NRP2: variants seen among roughly 807,000 people sequenced by gnomAD.
NRP2 encodes neuropilin 2.
NRP2 carries 52 observed loss-of-function variants against 110.4 expected under a neutral mutation model. That is an observed-to-expected ratio of 0.47 (90% CI 0.38 to 0.59). The LOEUF (loss-of-function observed/expected upper bound fraction) is 0.59, where lower values mean the gene tolerates loss of function less well. NRP2 is among the 20% of genes least tolerant of loss of function. NRP2 has a pLI of 0.00. For synonymous variants in NRP2, 508 were observed against 468.9 expected, an observed-to-expected ratio of 1.08 and a Z score of -1.08; for missense variants, 1,049 against 1,203.0, an observed-to-expected ratio of 0.87 and a Z score of 1.89.
chr2:205,776,401 T>C (rs754231789), intron 15 of NRP2: 2 of 1,613,600 alleles, frequency 1.2e-6, no homozygotes, highest in South Asian at 2.2e-5. Context: ...CCGGTTCCGC[T>C]ATGCGGCCAA....
intron 7 of NRP2, among the ~76,000 whole-genome samples, chr2:205,734,489 T>G (rs1161734368): frequency 6.6e-6 from 1 of 151,454 alleles, no homozygotes; most frequent in East Asian, 1.9e-4. Context: ...ATTCATTGAT[T>G]AGCAATTTAT....
At chr2:205,684,859 C>CTG (rs35089371) in intron 1 of NRP2, among the ~76,000 whole-genome samples, 4,525 of 152,304 alleles carry the variant, frequency 0.03, 218 homozygotes, top group African/African-American at 0.1. Flanking sequence ...GTGTGATTCG[C>CTG]TGTGTGTGTG....
intron 15 of NRP2, among the ~76,000 whole-genome samples, chr2:205,783,894 C>T (rs1361025927): frequency 1.3e-5 from 2 of 151,674 alleles, no homozygotes; most frequent in Non-Finnish European, 2.9e-5. Flanking sequence ...CCCTGACCTG[C>T]CAAAAATCCA....
rs34651561 is a variant in NRP2 at position 205,763,445 on chromosome 2, T to C, written c.2045-229T>C. ...ATGGAAAGGAAATGATACCGAGAAATAGGCAGGAGGGACCGATTTGACTTA... is the reference window on the plus strand; with the variant it reads ...ATGGAAAGGAAATGATACCGAGAAACAGGCAGGAGGGACCGATTTGACTTA... On this transcript the variant is annotated intron_variant, in intron 12 of 16. Coordinates refer to ENST00000357785, the MANE Select transcript of NRP2 (RefSeq NM_003872.3). This position sits in a 1 kb window ranked among gnomAD's most constrained non-coding sequence, Gnocchi z 4.0. 0.035 allele frequency among the ~76,000 whole-genome samples: 5,325 copies of C among 151,728 alleles called. 303 individuals carry two copies. The highest frequency in any genetic ancestry group is 0.12 in the African/African-American group (4,968 of 41,360).
rs2105980270 is a variant in NRP2, at chr2:205,795,129, T to C, written c.*71T>C. The C allele has an allele frequency of 4.2e-6, 6 of 1,435,898 alleles. No homozygotes were observed. The highest frequency in any genetic ancestry group is 1.4e-5 in the African/African-American group (1 of 70,998). 88.9% of individuals were successfully genotyped at this position (1,435,898 alleles called of 1,614,324 possible). ...GGCTGGGGAAGATTACATTTTTTTTTCCTTTGGAAACTGAATGCCATAATC... is the reference window on the plus strand; with the variant it reads ...GGCTGGGGAAGATTACATTTTTTTTCCCTTTGGAAACTGAATGCCATAATC... On this transcript the variant is annotated 3_prime_UTR_variant, in exon 17 of 17. Coordinates refer to ENST00000357785, the MANE Select transcript of NRP2 (RefSeq NM_003872.3).
intron 3 of NRP2, among the ~76,000 whole-genome samples, chr2:205,717,330 C>G (rs1016034272): frequency 6.6e-6 from 1 of 152,138 alleles, no homozygotes; most frequent in Non-Finnish European, 1.5e-5. Flanking sequence ...GAGTCTGGTT[C>G]GAGGGGAGGT....
intron 7 of NRP2, among the ~76,000 whole-genome samples, chr2:205,731,553 G>A (rs982350335): frequency 1.3e-5 from 2 of 152,180 alleles, no homozygotes; most frequent in African/African-American, 4.8e-5. Flanking sequence ...ACGGGGGAGA[G>A]AGACTACTGC....
intron 10 of NRP2, among the ~76,000 whole-genome samples, chr2:205,747,408 G>C (rs1158366185): frequency 6.6e-6 from 1 of 152,194 alleles, no homozygotes; most frequent in Non-Finnish European, 1.5e-5. Flanking sequence ...GGGTCATTGT[G>C]AGGATTAAAT....
chr2:205,715,999 G>A (rs949781861), intron 2 of NRP2, among the ~76,000 whole-genome samples, 194 bp from the exon 3 acceptor site: 3 of 152,212 alleles, frequency 2.0e-5, no homozygotes, highest in African/African-American at 4.8e-5. Context: ...TTCACTCTGT[G>A]GCTTTCACAA....
intron 15 of NRP2, among the ~76,000 whole-genome samples, chr2:205,771,394 A>G (rs2058021488): frequency 6.6e-6 from 1 of 152,236 alleles, no homozygotes; most frequent in South Asian, 2.1e-4. Flanking sequence ...CACAAATTAA[A>G]TAAACCTTTA....
chr2:205,719,285 C>A (rs2056964435), intron 3 of NRP2, among the ~76,000 whole-genome samples: 1 of 152,140 alleles, frequency 6.6e-6, no homozygotes, highest in Non-Finnish European at 1.5e-5. Flanking sequence ...TGAGGCTCTG[C>A]TGTAGGACCC....
chr2:205,713,377 C>T (rs1314930341), intron 2 of NRP2, among the ~76,000 whole-genome samples: 1 of 152,200 alleles, frequency 6.6e-6, no homozygotes, highest in African/African-American at 2.4e-5. Context: ...CCTACTGTGT[C>T]TCATTTATTC....
intron 2 of NRP2, among the ~76,000 whole-genome samples, chr2:205,715,688 G>A (rs1052850761): frequency 1.6e-4 from 24 of 152,136 alleles, no homozygotes; most frequent in Admixed American, 1.4e-3. Context: ...AACATCCCCC[G>A]TGTGCCTGGC....
At chr2:205,735,473 A>T (rs1559336402) in intron 7 of NRP2, among the ~76,000 whole-genome samples, 1 of 148,164 alleles carries the variant, frequency 6.7e-6, no homozygotes, top group African/African-American at 2.5e-5. Context: ...ATATATAATT[A>T]TATATATAAT....
At chr2:205,791,519 A>G (rs1248228618) in intron 15 of NRP2, among the ~76,000 whole-genome samples, 1 of 152,258 alleles carries the variant, frequency 6.6e-6, no homozygotes, top group Non-Finnish European at 1.5e-5. Flanking sequence ...TCACCCTCCC[A>G]AATTATCATG....
chr2:205,721,532 C>T (rs2057012026), intron 3 of NRP2, among the ~76,000 whole-genome samples: 1 of 152,158 alleles, frequency 6.6e-6, no homozygotes, highest in African/African-American at 2.4e-5. Context: ...CACAAGGACC[C>T]TTTTAATATG....
At chr2:205,757,796 C>G (rs1014007906) in intron 12 of NRP2, among the ~76,000 whole-genome samples, 2 of 151,952 alleles carry the variant, frequency 1.3e-5, no homozygotes, top group African/African-American at 4.8e-5. Flanking sequence ...GGAATAATTT[C>G]AACTGGAAAA....
rs2058355746 is a variant in NRP2 at position 205,796,784 on chromosome 2, C to T, written c.*1726C>T. On this transcript the variant is annotated 3_prime_UTR_variant, in exon 17 of 17. Coordinates refer to ENST00000357785, the MANE Select transcript of NRP2 (RefSeq NM_003872.3). ...TTTCATATTAACGCCTAAGGATTGC[C>T]TGTGTGCTGGAAATATATTTGAAAC... is the stretch of plus-strand genomic sequence containing the variant. 1 of 152,632 alleles carries T rather than the reference C, an allele frequency of 6.6e-6. No homozygotes were observed. The allele number at this position is 152,632 out of a possible 1,614,324, so 9.5% of individuals were successfully genotyped here. A position where few individuals can be genotyped will look rare whatever the true frequency, so the allele number is the denominator to read the frequency against.
chr2:205,743,445 A>G lies in NRP2; in HGVS notation c.1534A>G (p.Ile512Val), dbSNP rs1470417399. 6.2e-7 allele frequency: 1 copy of G among 1,614,122 alleles called. No homozygotes were observed. The highest frequency in any genetic ancestry group is 8.5e-7 in the Non-Finnish European group (1 of 1,180,060). The change falls in exon 9 of 17, where the codon ATC becomes GTC. Residue 512 changes from isoleucine (I) to valine (V), a missense_variant. Coordinates refer to ENST00000357785, the MANE Select transcript of NRP2 (RefSeq NM_003872.3). ...CCAGGGAGCCCGCGGAGGAGACAGT[A>G]TCACTGCTGTGGAAGCCAGAGCATT... ...IIQGARGGDS[I>V]TAVEARAFVR...
Sources: gnomAD v4.1 joint callset for allele counts (sites outside exome capture counted in the v4.1 genomes callset) on GRCh38, gnomAD v4.1.1 for gene constraint, Gnocchi (gnomAD v3.1) non-coding constraint, MANE v1.5 for transcripts, NCBI Gene and HGNC (gene_info 2026-07-23, HGNC 2026-07-21) for gene names.